The following TRIO variants were observed in gnomAD, a reference collection of about 807,000 sequenced individuals.
TRIO encodes the protein triple functional domain protein.
A neutral mutation model predicts 351.9 loss-of-function variants in TRIO; 58 were observed. The ratio of observed to expected loss-of-function variants is 0.16; its 90% CI spans 0.13 to 0.21. The LOEUF (loss-of-function observed/expected upper bound fraction) is 0.21. Ranked by LOEUF, TRIO falls within the 10% of genes least tolerant of loss-of-function variation. The pLI is 1.00. For synonymous variants in TRIO, 1,758 were observed against 1,595.7 expected, an observed-to-expected ratio of 1.10 and a Z score of -2.42; for missense variants, 3,201 against 4,027.8, an observed-to-expected ratio of 0.79 and a Z score of 5.56.
intron 1 of TRIO, among the ~76,000 whole-genome samples, chr5:14,255,566 C>G (rs1172069824): frequency 2.0e-5 from 3 of 152,190 alleles, no homozygotes; most frequent in Admixed American, 6.5e-5. Context: ...CTCTGAAATG[C>G]TGGGCACCAG....
intron 49 of TRIO, 58 bp from the exon 50 acceptor site, chr5:14,496,821 G>A: frequency 6.3e-7 from 1 of 1,593,834 alleles, no homozygotes; most frequent in Admixed American, 1.7e-5. Context: ...ACGCTTCCAG[G>A]CAGCACTTGG....
chr5:14,276,206 G>A (rs557081494), intron 2 of TRIO, among the ~76,000 whole-genome samples: 18 of 152,228 alleles, frequency 1.2e-4, no homozygotes, highest in Admixed American at 2.0e-4. Flanking sequence ...GCATTTCCCC[G>A]GAAGAGAAGG....
chr5:14,386,693 A>G (rs943135188), intron 21 of TRIO, among the ~76,000 whole-genome samples: 1 of 152,218 alleles, frequency 6.6e-6, no homozygotes, highest in African/African-American at 2.4e-5. Flanking sequence ...GCCAAATGGT[A>G]TATATAACTT....
rs573372727 is a variant in TRIO at position 14,358,894 on chromosome 5, T to G, written c.2217-463T>G. Among the ~76,000 whole-genome samples, 16 of 152,308 alleles carry G rather than the reference T, an allele frequency of 1.1e-4. No individual in the cohort carries two copies. The South Asian group carries it at 2.1e-3, about 20-fold the overall frequency. ...CCCCCTACTGTATCACTCAGGAAAA[T>G]TTATCAAATCGTTGACTGATAACTT... On this transcript the variant is annotated intron_variant, in intron 12 of 56. Coordinates refer to ENST00000344204, the MANE Select transcript of TRIO (RefSeq NM_007118.4).
rs754819062 is a variant in TRIO at position 14,406,577 on chromosome 5, G to A, written c.4864G>A (p.Gly1622Arg). 2.5e-6 allele frequency: 4 copies of A among 1,613,996 alleles called. No individual in the cohort carries two copies. Among genetic ancestry groups the A allele is most frequent in the Non-Finnish European group, 3.4e-6 (4 of 1,179,940 alleles). The change falls in exon 33 of 57, where the codon GGA becomes AGA. Residue 1622 changes from glycine to arginine, a missense_variant. Gly to Arg is a moderately radical substitution (Grantham distance 125). Around this residue, in one of 19 missense-constraint regions of TRIO, gnomAD observed 136 missense variants for 229.5 expected, o/e 0.59. Coordinates refer to ENST00000344204, the MANE Select transcript of TRIO (RefSeq NM_007118.4). ...AAAGTTTCTTTGCACCGCCAGGGAT[G>A]GAGAGGATCTGGACAGCCAAGGAGA... ...PATRQKGRRD[G>R]EDLDSQGDGS...
At chr5:14,183,923 A>G in intron 1 of TRIO, 1 of 696,968 alleles carries the variant, frequency 1.4e-6, no homozygotes, top group African/African-American at 1.7e-5. Flanking sequence ...GTTTTTTAAA[A>G]AAGATTAATA....
intron 1 of TRIO, among the ~76,000 whole-genome samples, chr5:14,270,615 CTG>C (rs932338057): frequency 2.0e-5 from 3 of 152,156 alleles, no homozygotes; most frequent in African/African-American, 7.2e-5. Context: ...ACATGAGCCT[CTG>C]GGTCTGTGTG....
chr5:14,189,946 T>C (rs1446635715), intron 1 of TRIO, among the ~76,000 whole-genome samples: 1 of 152,124 alleles, frequency 6.6e-6, no homozygotes, highest in African/African-American at 2.4e-5. Flanking sequence ...GGTCTCAAAC[T>C]CCTGGGCTCA....
At position 14,399,199 on chromosome 5, in the gene TRIO, TGTG is replaced by T. The variant is rs1747861708; in HGVS notation, c.4614+132_4614+134del. On this transcript the variant is annotated intron_variant, in intron 30 of 56. Transcript: ENST00000344204. ...TGTCCTGAAATGTTCAAGTCTGAAT[TGTG>T]GTAGGGTTTTCATCTTCAGTGAAAT... 4 of 883,774 alleles carry T rather than the reference TGTG, an allele frequency of 4.5e-6. No homozygotes were observed. In the South Asian group the frequency reaches 4.9e-5, roughly 11 times the overall value. The allele number at this position is 883,774 out of a possible 1,614,324, so 54.7% of individuals were successfully genotyped here.
At chr5:14,409,146 C>T (rs1579570947) in intron 33 of TRIO, among the ~76,000 whole-genome samples, 1 of 152,260 alleles carries the variant, frequency 6.6e-6, no homozygotes, top group East Asian at 1.9e-4. Context: ...TACCCACCTC[C>T]TCTCAGCCCC....
At chr5:14,394,014 G>A in intron 27 of TRIO, 24 bp from the exon 28 acceptor site, 1 of 1,556,474 alleles carries the variant, frequency 6.4e-7, no homozygotes, top group Non-Finnish European at 8.8e-7. Context: ...GATAACTCTT[G>A]TTTCTTGTTT....
chr5:14,339,135 G>C (rs1741703742), intron 11 of TRIO, among the ~76,000 whole-genome samples: 1 of 152,134 alleles, frequency 6.6e-6, no homozygotes, highest in Non-Finnish European at 1.5e-5. Flanking sequence ...TACTTGGGAG[G>C]CTGAGGCAGG....
At chr5:14,248,879 C>T (rs938315674) in intron 1 of TRIO, among the ~76,000 whole-genome samples, 4 of 152,178 alleles carry the variant, frequency 2.6e-5, no homozygotes, top group Non-Finnish European at 5.9e-5. Flanking sequence ...TTAACTTGGA[C>T]GTGGTACTTC....
intron 11 of TRIO, among the ~76,000 whole-genome samples, chr5:14,350,777 C>T (rs1208562620): frequency 6.6e-6 from 1 of 152,178 alleles, no homozygotes; most frequent in East Asian, 1.9e-4. Context: ...CCACCCCATA[C>T]ATCCTTCATA....
rs886698980 is a variant in TRIO at position 14,308,075 on chromosome 5, G to A, written c.1500+3483G>A. The stretch of plus-strand genomic sequence containing the variant: ...TTCCCTGCCTACCCTGGGATCACTC[G>A]TCTCACTAAGTGGGATGGTTCCTTA... On this transcript the variant is annotated intron_variant, in intron 8 of 56. Coordinates refer to ENST00000344204, the MANE Select transcript of TRIO (RefSeq NM_007118.4). 3.9e-5 allele frequency among the ~76,000 whole-genome samples: 6 copies of A among 152,024 alleles called. No homozygotes were observed. In the South Asian group the frequency reaches 8.3e-4, roughly 21 times the overall value.
At chr5:14,187,367 C>CT (rs1167471871) in intron 1 of TRIO, among the ~76,000 whole-genome samples, 1 of 152,108 alleles carries the variant, frequency 6.6e-6, no homozygotes, top group Non-Finnish European at 1.5e-5. Context: ...TTTTTGATGG[C>CT]TGGGACTCTT....
chr5:14,390,608 A>G, intron 26 of TRIO: 1 of 531,166 alleles, frequency 1.9e-6, no homozygotes, highest in Non-Finnish European at 3.3e-6. Flanking sequence ...GAGGGGAGGC[A>G]GACAGGTGAA....
intron 34 of TRIO, among the ~76,000 whole-genome samples, chr5:14,442,223 T>A (rs1204456963): frequency 6.6e-6 from 1 of 152,222 alleles, no homozygotes; most frequent in Non-Finnish European, 1.5e-5. Context: ...GTGTTTGCCT[T>A]CACTTTCTTG....
At chr5:14,165,511 T>C (rs1294082550) in intron 1 of TRIO, among the ~76,000 whole-genome samples, 2 of 152,212 alleles carry the variant, frequency 1.3e-5, no homozygotes, top group Non-Finnish European at 2.9e-5. Flanking sequence ...AGTCTACCAT[T>C]GGCGGGCACG....
Sources: allele counts gnomAD v4.1 joint callset (sites outside exome capture counted in the v4.1 genomes callset), GRCh38; gene constraint gnomAD v4.1.1; regional missense constraint gnomAD v4.1.1; transcripts MANE v1.5; gene names NCBI Gene and HGNC (gene_info 2026-07-23, HGNC 2026-07-21).